The following UGT3A1 variants were observed in gnomAD, a reference collection of about 807,000 sequenced individuals.
UGT3A1 encodes UDP-glycosyltransferase 3A1.
UGT3A1 carries 40 observed loss-of-function variants against 37.6 expected under a neutral mutation model. The observed-to-expected ratio is 1.06, with a 90% CI of 0.83 to 1.38. The LOEUF (loss-of-function observed/expected upper bound fraction) is 1.38. Ranked by LOEUF, UGT3A1 falls within the 40% of genes most tolerant of loss-of-function variation. The probability of loss-of-function intolerance (pLI) is 0.00; values close to 1 mark genes in which losing one functional copy is unlikely to be tolerated. For missense variants in UGT3A1, 642 were observed against 634.2 expected (o/e 1.01, Z -0.13); for synonymous variants, 256 against 232.3 (o/e 1.10, Z -0.93).
At chr5:35,961,185 T>C (rs1739567222) in intron 4 of UGT3A1, 1 of 152,138 alleles carries the variant, frequency 6.6e-6, no homozygotes, top group South Asian at 2.1e-4. Flanking sequence ...TCATCTCCCC[T>C]CTCTGCAGAG....
chr5:35,959,094 C>T (rs1428583719), intron 4 of UGT3A1, among the ~76,000 whole-genome samples: 3 of 152,140 alleles, frequency 2.0e-5, no homozygotes, highest in Non-Finnish European at 4.4e-5. Context: ...CATTCAAAAA[C>T]AGTTGAGCAT....
chr5:35,976,301 GAA>G (rs1413391533), intron 2 of UGT3A1, among the ~76,000 whole-genome samples: 1 of 152,126 alleles, frequency 6.6e-6, no homozygotes, highest in Non-Finnish European at 1.5e-5. Flanking sequence ...ATTGGAGGTA[GAA>G]AAAGAGTTAG....
Position 35,988,458 on chromosome 5 carries a change from A to G in UGT3A1, c.188T>C (p.Leu63Ser). Residue 63 changes from leucine (L) to serine (S), a missense_variant, in exon 2 of 7, where the codon TTG (leucine) becomes TCG (serine). Physicochemically the swap from Leu to Ser is moderately radical, Grantham distance 145. Transcript: ENST00000274278. ...VTMLHQSGKFLIPDIKEEEKS... is the reference protein window; with the variant it reads ...VTMLHQSGKFSIPDIKEEEKS... ...GTTTTTAAAAAAGATACCTGGGATC[A>G]AAAACTTTCCACTCTGATGAAGCAT... is the stretch of plus-strand genomic sequence containing the variant. 6.3e-7 allele frequency: 1 copy of G among 1,599,486 alleles called. No individual in the cohort carries two copies. The highest frequency in any genetic ancestry group is 8.5e-7 in the Non-Finnish European group (1 of 1,175,176).
intron 2 of UGT3A1, among the ~76,000 whole-genome samples, chr5:35,972,330 AAAAC>A (rs568191527): frequency 3.3e-4 from 50 of 152,280 alleles, no homozygotes; most frequent in Non-Finnish European, 6.3e-4. Context: ...AGAGGTTTTA[AAAAC>A]AAACAAACAA....
chr5:35,983,526 C>T (rs1387763995), intron 2 of UGT3A1, among the ~76,000 whole-genome samples: 1 of 151,958 alleles, frequency 6.6e-6, no homozygotes, highest in Non-Finnish European at 1.5e-5. Flanking sequence ...AGATCAGGGG[C>T]TATTTTCAAA....
intron 1 of UGT3A1, 123 bp downstream of exon 1, chr5:35,991,024 A>G: frequency 2.5e-6 from 4 of 1,602,234 alleles, no homozygotes; most frequent in South Asian, 1.1e-5. Flanking sequence ...TCCTCCAGCC[A>G]GGTCCGCAAG....
chr5:35,957,534 C>T (rs953957634), intron 4 of UGT3A1, 115 bp from the exon 5 acceptor site: 2 of 815,318 alleles, frequency 2.5e-6, no homozygotes. Context: ...CTTGTCTTCA[C>T]TCTCCCGAAG....
upstream of UGT3A1, among the ~76,000 whole-genome samples, chr5:35,991,859 T>C (rs573396141): frequency 3.3e-5 from 5 of 152,352 alleles, no homozygotes; most frequent in African/African-American, 1.2e-4. Context: ...AGTAGTGTTC[T>C]AATTCTGAAA....
chr5:35,999,547 G>A (rs1325528645), intron 1 of UGT3A1, among the ~76,000 whole-genome samples: 2 of 152,130 alleles, frequency 1.3e-5, no homozygotes, highest in African/African-American at 2.4e-5. Context: ...AATATAGTGT[G>A]GACCTAATAA....
chr5:35,960,630 T>C (rs1229231540), intron 4 of UGT3A1: 1 of 152,244 alleles, frequency 6.6e-6, no homozygotes, highest in Non-Finnish European at 1.5e-5. Flanking sequence ...GCATGGTGTG[T>C]GTTACAGTGC....
intron 2 of UGT3A1, among the ~76,000 whole-genome samples, chr5:35,977,075 A>G (rs1740312974): frequency 1.9e-5 from 2 of 106,784 alleles, no homozygotes. Flanking sequence ...GAAAGAAAGA[A>G]AAGAAAGAAA....
At position 35,955,727 on chromosome 5, in the gene UGT3A1, T is replaced by C; in HGVS notation, c.1213A>G (p.Asn405Asp). ...TTCAACCGGATAGAGACACCATAAT[T>C]TTTGGCTACTACTCGGACCATGTTT... ...HGNMVRVVAK[N>D]YGVSIRLNQV... Residue 405 changes from asparagine to aspartate, a missense_variant, in exon 6 of 7, where the codon AAT becomes GAT. Asn to Asp is a conservative substitution (Grantham distance 23). Transcript: ENST00000274278. The C allele has an allele frequency of 6.2e-7, 1 of 1,614,218 alleles. No homozygotes were observed. The highest frequency in any genetic ancestry group is 8.5e-7 in the Non-Finnish European group (1 of 1,180,046).
At chr5:35,995,720 T>C (rs1424480834), upstream of UGT3A1, among the ~76,000 whole-genome samples, 1 of 152,134 alleles carries the variant, frequency 6.6e-6, no homozygotes, top group Non-Finnish European at 1.5e-5. Context: ...GTGACTGCTC[T>C]GTTAAATATT....
intron 2 of UGT3A1, among the ~76,000 whole-genome samples, chr5:35,980,466 G>C (rs1179100241): frequency 6.6e-6 from 1 of 152,188 alleles, no homozygotes; most frequent in African/African-American, 2.4e-5. Context: ...TACCAGAGGG[G>C]AGAGAGCTGC....
intron 4 of UGT3A1, among the ~76,000 whole-genome samples, chr5:35,964,220 C>T (rs1020124957): frequency 6.6e-6 from 1 of 152,150 alleles, no homozygotes; most frequent in African/African-American, 2.4e-5. Context: ...CTCTTCCTAA[C>T]AATTTCCACA....
chr5:35,966,952 AT>A (rs1430631932), intron 3 of UGT3A1, among the ~76,000 whole-genome samples: 2 of 152,348 alleles, frequency 1.3e-5, no homozygotes, highest in Non-Finnish European at 2.9e-5. Context: ...TTTAAAAAAA[AT>A]TTTACATAAA....
At chr5:35,985,205 G>A (rs529525517) in intron 2 of UGT3A1, among the ~76,000 whole-genome samples, 4 of 151,404 alleles carry the variant, frequency 2.6e-5, no homozygotes, top group Non-Finnish European at 5.9e-5. Context: ...GAAAGAAACT[G>A]AAGAGGTCAC....
chr5:35,969,197 T>G (rs1739937981), intron 2 of UGT3A1, among the ~76,000 whole-genome samples: 1 of 152,170 alleles, frequency 6.6e-6, no homozygotes, highest in Non-Finnish European at 1.5e-5. Context: ...TGTGGCATGC[T>G]CACATCCACA....
chr5:35,965,846 T>C lies in UGT3A1; in HGVS notation c.383A>G (p.Lys128Arg), dbSNP rs749321863. The change falls in exon 4 of 7, where the codon AAG becomes AGG. Residue 128 changes from lysine to arginine, a missense_variant. Transcript: ENST00000274278. ...GTQCSYLLSR[K>R]DIMDSLKNEN... is the part of the protein sequence containing the mutation. ...ATTCTTTAAGGAATCCATTATATCCTTTCTGCTTAGCAAATAACTACATTG... is the reference window on the plus strand; with the variant it reads ...ATTCTTTAAGGAATCCATTATATCCCTTCTGCTTAGCAAATAACTACATTG... 2.4e-5 allele frequency: 38 copies of C among 1,610,880 alleles called. No individual in the cohort carries two copies. The highest frequency in any genetic ancestry group is 1.7e-6 in the Non-Finnish European group (2 of 1,179,080).
Sources: allele counts gnomAD v4.1 joint callset (sites outside exome capture counted in the v4.1 genomes callset), GRCh38; gene constraint gnomAD v4.1.1; transcripts MANE v1.5; gene names NCBI Gene and HGNC (gene_info 2026-07-23, HGNC 2026-07-21).